The following RAB6B variants were observed in gnomAD, a reference collection of about 807,000 sequenced individuals.
RAB6B encodes RAB6B, member RAS oncogene family.
Under a neutral mutation model 31.2 loss-of-function variants are expected in RAB6B, and 7 were observed. That is an observed-to-expected ratio of 0.22 (90% CI 0.13 to 0.42). The LOEUF (loss-of-function observed/expected upper bound fraction) is 0.42. RAB6B is among the 10% of genes least tolerant of loss of function. The pLI, the probability that RAB6B is intolerant of heterozygous loss-of-function variation, is 1.00. For missense variants in RAB6B, 149 were observed against 280.6 expected (o/e 0.53, Z 3.35); for synonymous variants, 105 against 104.9 (o/e 1.00, Z -0.01).
At chr3:133,885,243 G>A (rs918093860) in intron 1 of RAB6B, among the ~76,000 whole-genome samples, 3 of 150,558 alleles carry the variant, frequency 2.0e-5, no homozygotes, top group Non-Finnish European at 4.4e-5. Flanking sequence ...ATTAGAGGAC[G>A]GGAACTCACA....
chr3:133,860,250 G>C (rs563191842), intron 2 of RAB6B, among the ~76,000 whole-genome samples: 4 of 152,348 alleles, frequency 2.6e-5, no homozygotes, highest in Admixed American at 1.3e-4. Flanking sequence ...AGGATCTTGA[G>C]AGAAAAAATC....
chr3:133,882,289 C>T (rs186329820), intron 1 of RAB6B, among the ~76,000 whole-genome samples: 1 of 152,308 alleles, frequency 6.6e-6, no homozygotes, highest in Admixed American at 6.5e-5. Context: ...CACCTTTGAA[C>T]CTTTGCCGTA....
intron 1 of RAB6B, among the ~76,000 whole-genome samples, chr3:133,885,119 A>AC (rs1356942407): frequency 4.7e-5 from 7 of 150,098 alleles, no homozygotes; most frequent in Non-Finnish European, 1.0e-4. Context: ...TGACCAGAGG[A>AC]TGGGGAACTC....
At chr3:133,843,370 A>G (rs1935864772) in intron 2 of RAB6B, among the ~76,000 whole-genome samples, 1 of 152,252 alleles carries the variant, frequency 6.6e-6, no homozygotes, top group Non-Finnish European at 1.5e-5. Flanking sequence ...CCACCGAGGC[A>G]CAAATCTGCA....
At chr3:133,859,181 C>T (rs1936125086) in intron 2 of RAB6B, among the ~76,000 whole-genome samples, 1 of 152,184 alleles carries the variant, frequency 6.6e-6, no homozygotes, top group South Asian at 2.1e-4. Context: ...GTTTCGTTAT[C>T]TTGACCAGAC....
intron 2 of RAB6B, among the ~76,000 whole-genome samples, chr3:133,850,955 G>C (rs1422498268): frequency 6.6e-6 from 1 of 151,136 alleles, no homozygotes; most frequent in Admixed American, 6.6e-5. Flanking sequence ...AGGGATGACG[G>C]CTGCCATACT....
intron 2 of RAB6B, among the ~76,000 whole-genome samples, chr3:133,847,197 T>A (rs1383678623): frequency 6.6e-6 from 1 of 152,252 alleles, no homozygotes; most frequent in African/African-American, 2.4e-5. Flanking sequence ...ATCTATGTGA[T>A]GAGTTAGGCT....
chr3:133,840,569 G>A (rs1287715655), intron 4 of RAB6B, among the ~76,000 whole-genome samples: 1 of 152,228 alleles, frequency 6.6e-6, no homozygotes, highest in Admixed American at 6.5e-5. Flanking sequence ...GCGGGGACAT[G>A]CATGCTTCCT....
chr3:133,840,835 C>T (rs182901736), intron 4 of RAB6B, among the ~76,000 whole-genome samples: 1 of 152,142 alleles, frequency 6.6e-6, no homozygotes, highest in Non-Finnish European at 1.5e-5. Flanking sequence ...ACCCCCTTGC[C>T]TACCTTCCCA....
chr3:133,866,708 G>A (rs908692654), intron 1 of RAB6B, among the ~76,000 whole-genome samples: 2 of 152,252 alleles, frequency 1.3e-5, no homozygotes, highest in African/African-American at 4.8e-5. Flanking sequence ...TCAGCTCTGA[G>A]GCCATGAGGC....
At position 133,834,612 on chromosome 3, in the gene RAB6B, G is replaced by C; in HGVS notation, c.525C>G (p.Pro175=). The C allele has an allele frequency of 6.2e-7, 1 of 1,614,088 alleles. No individual in the cohort carries two copies. Among genetic ancestry groups the C allele is most frequent in the Non-Finnish European group, 8.5e-7 (1 of 1,179,972 alleles). The change falls in exon 7 of 8, where the codon CCC becomes CCG. Residue 175 remains proline, a synonymous_variant. Transcript: ENST00000285208. ...QLFRRVASAL[P]GMENVQEKSK... is the part of the protein sequence containing the mutation. The stretch of plus-strand genomic sequence containing the variant: ...TTTTCTCCTGGACATTCTCCATTCC[G>C]GGTAGAGCCGACGCCACACGTCGAA...
rs553115888 is a variant in RAB6B, at chr3:133,890,927, G to T, written c.70+4470C>A. On this transcript the variant is annotated intron_variant, in intron 1 of 7. Transcript: ENST00000285208. ...GTATTGTATTTAAGAAATGTTCAGA[G>T]AAAACCAAAGCTATGCCATGGTGTG... Among the ~76,000 whole-genome samples the T allele has an allele frequency of 1.5e-4, 23 of 152,342 alleles. No homozygotes were observed. In the East Asian group the frequency reaches 4.4e-3, roughly 29 times the overall value.
At position 133,838,122 on chromosome 3, in the gene RAB6B, C is replaced by A. The variant is rs745383255; in HGVS notation, c.495+44G>T. On this transcript the variant is annotated intron_variant, in intron 6 of 7. Coordinates refer to ENST00000285208, the MANE Select transcript of RAB6B (RefSeq NM_016577.4). ...CCTGCAGCTGACCACAGGGCTACAC[C>A]GTGCCGGGCCCCGTGCCGGGCCCCG... 5 of 283,452 alleles carry A rather than the reference C, an allele frequency of 1.8e-5. No individual in the cohort carries two copies. The African/African-American group carries it at 3.1e-4, about 18-fold the overall frequency. The allele number at this position is 283,452 out of a possible 1,614,324, so 17.6% of individuals were successfully genotyped here. A position where few individuals can be genotyped will look rare whatever the true frequency, so the allele number is the denominator to read the frequency against.
intron 1 of RAB6B, among the ~76,000 whole-genome samples, chr3:133,887,586 T>C (rs1215933362): frequency 6.6e-6 from 1 of 152,160 alleles, no homozygotes; most frequent in Non-Finnish European, 1.5e-5. Context: ...GAACCAGAGT[T>C]AGAGCTCCAC....
chr3:133,860,454 C>T (rs999666913), intron 2 of RAB6B, among the ~76,000 whole-genome samples: 6 of 152,164 alleles, frequency 3.9e-5, no homozygotes, highest in Non-Finnish European at 8.8e-5. Context: ...ACAAGGCCCT[C>T]CATGCCTTGA....
At chr3:133,877,451 G>GA (rs1165764668) in intron 1 of RAB6B, among the ~76,000 whole-genome samples, 1 of 152,180 alleles carries the variant, frequency 6.6e-6, no homozygotes, top group Non-Finnish European at 1.5e-5. Flanking sequence ...GGATGCTGGG[G>GA]AGAGTCCTCA....
At chr3:133,864,518 C>A in intron 2 of RAB6B, 66 bp downstream of exon 2, 1 of 1,529,024 alleles carries the variant, frequency 6.5e-7, no homozygotes, top group Non-Finnish European at 9.1e-7. Flanking sequence ...CACCCCAGCT[C>A]AGCAAGTTTC....
chr3:133,865,248 G>A (rs1936221323), intron 1 of RAB6B, among the ~76,000 whole-genome samples: 1 of 152,236 alleles, frequency 6.6e-6, no homozygotes, highest in South Asian at 2.1e-4. Context: ...TAAATGCCAG[G>A]AGGATCCCCA....
chr3:133,827,748 C>CCA lies in RAB6B; in HGVS notation c.*1039_*1040insTG. The CCA allele has an allele frequency of 1.9e-4, 3 of 15,982 alleles. No homozygotes were observed. Among genetic ancestry groups the CCA allele is most frequent in the Non-Finnish European group, 3.2e-4 (2 of 6,308 alleles). The allele number at this position is 15,982 out of a possible 1,614,324, so 1.0% of individuals were successfully genotyped here. A position where few individuals can be genotyped will look rare whatever the true frequency, so the allele number is the denominator to read the frequency against. On this transcript the variant is annotated 3_prime_UTR_variant, in exon 8 of 8. Coordinates refer to ENST00000285208, the MANE Select transcript of RAB6B (RefSeq NM_016577.4). ...AAGGTGGTGGTTCTGCAGACAACAC[C>CCA]CCCCCCCCCCCCCGCCTCCCCATCA... is the stretch of plus-strand genomic sequence containing the variant.
Sources: gnomAD v4.1 joint callset for allele counts (sites outside exome capture counted in the v4.1 genomes callset) on GRCh38, gnomAD v4.1.1 for gene constraint, MANE v1.5 for transcripts, NCBI Gene and HGNC (gene_info 2026-07-23, HGNC 2026-07-21) for gene names.